Variants in LAMA3 observed in about 807,000 individuals in gnomAD.
LAMA3 encodes laminin subunit alpha 3, also known as laminin subunit alpha-3.
Under a neutral mutation model 402.0 loss-of-function variants are expected in LAMA3, and 281 were observed. The observed-to-expected ratio is 0.70, with a 90% CI of 0.63 to 0.77. The LOEUF (loss-of-function observed/expected upper bound fraction) is 0.77. LAMA3 is among the 30% of genes least tolerant of loss of function. The pLI is 0.00. For synonymous variants in LAMA3, 1,431 were observed against 1,558.4 expected (o/e 0.92, Z 1.93); for missense variants, 3,840 against 4,215.5 (o/e 0.91, Z 2.47).
chr18:23,838,099 T>A (rs190343657), intron 25 of LAMA3, among the ~76,000 whole-genome samples: 42 of 152,288 alleles, frequency 2.8e-4, no homozygotes, highest in Non-Finnish European at 4.7e-4. Context: ...ACATAAGCTC[T>A]ATGAAGGCAG....
chr18:23,898,677 C>T (rs2080960421), intron 44 of LAMA3, 61 bp from the exon 45 acceptor site: 1 of 904,716 alleles, frequency 1.1e-6, no homozygotes, highest in African/African-American at 1.6e-5. Context: ...CCCTGTTGAC[C>T]AGGTTGATAG....
intron 1 of LAMA3, among the ~76,000 whole-genome samples, chr18:23,692,299 C>G (rs1338130706): frequency 6.6e-6 from 1 of 152,206 alleles, no homozygotes; most frequent in Non-Finnish European, 1.5e-5. Context: ...GAGACGAAGT[C>G]TCTCTCGTCT....
intron 41 of LAMA3, among the ~76,000 whole-genome samples, chr18:23,887,260 T>C (rs1478919756): frequency 2.0e-5 from 3 of 152,148 alleles, no homozygotes; most frequent in Non-Finnish European, 2.9e-5. Flanking sequence ...CTGGGCTAAG[T>C]TGAGCTGCAA....
In LAMA3 at chr18:23,815,570, C is replaced by G. The variant is rs757443866; in HGVS notation, c.2044C>G (p.Gln682Glu). ...GGAAAAGAGCAATTACTTTGGGTGT[C>G]AAGGTAAATAAGTCCATTGGGCCCT... ...ALEKSNYFGC[Q>E]GCQCDIGGAL... Residue 682 changes from glutamine to glutamate, a missense_variant, in exon 17 of 75, where the codon CAA (glutamine) becomes GAA (glutamate). By Grantham distance (29) the Gln-to-Glu change is conservative. This residue lies in a region of LAMA3 where 2,109 missense variants were observed against 2,376.0 expected (regional missense o/e 0.89). Transcript: ENST00000313654. 15 of 1,609,364 alleles carry G rather than the reference C, an allele frequency of 9.3e-6. No individual in the cohort carries two copies. The highest frequency in any genetic ancestry group is 1.2e-5 in the Non-Finnish European group (14 of 1,175,864).
rs771665198 is a variant in LAMA3 at position 23,846,424 on chromosome 18, G to A, written c.3847G>A (p.Gly1283Arg). Residue 1283 changes from glycine to arginine, a missense_variant, in exon 31 of 75, where the codon GGG (glycine) becomes AGG (arginine). Coordinates refer to ENST00000313654, the MANE Select transcript of LAMA3 (RefSeq NM_198129.4). Reference sequence around the variant, plus strand: ...CGGCCCTCACTGCAGCCCTGAGGGTGGGCAGTGCCCATGCCAGCCCAACGT... The same window carrying A: ...CGGCCCTCACTGCAGCCCTGAGGGTAGGCAGTGCCCATGCCAGCCCAACGT... ...ATGPHCSPEG[G>R]QCPCQPNVIG... 4.3e-6 allele frequency: 7 copies of A among 1,613,974 alleles called. No homozygotes were observed. Among genetic ancestry groups the A allele is most frequent in the Non-Finnish European group, 5.9e-6 (7 of 1,180,028 alleles).
intron 13 of LAMA3, among the ~76,000 whole-genome samples, chr18:23,810,784 G>A (rs1228598558): frequency 6.6e-6 from 1 of 152,146 alleles, no homozygotes; most frequent in African/African-American, 2.4e-5. Flanking sequence ...TCACATGTCA[G>A]TTTTCTGTGG....
chr18:23,846,557 A>C lies in LAMA3; in HGVS notation c.3931+49A>C, dbSNP rs1010101914. On this transcript the variant is annotated intron_variant, in intron 31 of 74. Transcript: ENST00000313654. ...CAAGTTCTGCTCTGGTCCCGTGTGGATGATGCTTACCAGGAGCAGGCTTCT... is the reference window on the plus strand; with the variant it reads ...CAAGTTCTGCTCTGGTCCCGTGTGGCTGATGCTTACCAGGAGCAGGCTTCT... 2.6e-6 allele frequency: 4 copies of C among 1,524,948 alleles called. No homozygotes were observed. In the African/African-American group the frequency reaches 5.5e-5, roughly 21 times the overall value. The allele number at this position is 1,524,948 out of a possible 1,614,324, so 94.5% of individuals were successfully genotyped here.
At chr18:23,805,646 A>G (rs1354051330) in intron 12 of LAMA3, among the ~76,000 whole-genome samples, 1 of 151,362 alleles carries the variant, frequency 6.6e-6, no homozygotes, top group South Asian at 2.1e-4. Context: ...TGATCACCTG[A>G]CCCCCATAAA....
At chr18:23,932,357 G>T in intron 66 of LAMA3, 66 bp downstream of exon 66, 1 of 1,566,920 alleles carries the variant, frequency 6.4e-7, no homozygotes, top group Non-Finnish European at 8.8e-7. Context: ...GTATCTCTTT[G>T]GTCCAGTTAA....
intron 1 of LAMA3, among the ~76,000 whole-genome samples, chr18:23,698,202 CTT>C (rs755879182): frequency 1.5e-4 from 16 of 108,856 alleles, no homozygotes; most frequent in African/African-American, 5.8e-4. Context: ...TCTTCTTCTT[CTT>C]TTTTTTTTTT....
intron 12 of LAMA3, among the ~76,000 whole-genome samples, chr18:23,788,130 G>A (rs2062582088): frequency 6.6e-6 from 1 of 151,918 alleles, no homozygotes; most frequent in East Asian, 1.9e-4. Context: ...AGGATAAATA[G>A]AGTTTATAAA....
intron 2 of LAMA3, among the ~76,000 whole-genome samples, chr18:23,734,120 ACTT>A (rs2061435871): frequency 6.6e-6 from 1 of 152,234 alleles, no homozygotes; most frequent in South Asian, 2.1e-4. Flanking sequence ...TGCCGTCTCA[ACTT>A]CTACCACCAC....
chr18:23,904,129 A>G (rs1434838062), intron 50 of LAMA3, 42 bp downstream of exon 50: 1 of 1,609,264 alleles, frequency 6.2e-7, no homozygotes, highest in Non-Finnish European at 8.5e-7. Flanking sequence ...ACGTGGGCTG[A>G]GCTCAGCAGC....
chr18:23,951,744 T>A lies in LAMA3; in HGVS notation c.9703T>A (p.Ser3235Thr), dbSNP rs770399224. The A allele has an allele frequency of 2.9e-5, 47 of 1,613,686 alleles. No homozygotes were observed. Among genetic ancestry groups the A allele is most frequent in the Admixed American group, 1.5e-4 (9 of 59,982 alleles). ...CTCAACGTCGGTCACACCAAAGCAG[T>A]CTCTGTGTGATGGACAGTGGCACTC... The part of the protein sequence containing the change: ...GTSTSVTPKQ[S>T]LCDGQWHSVA... Residue 3235 changes from serine (S) to threonine (T), a missense_variant, in exon 73 of 75, where the codon TCT becomes ACT. Around this residue, in one of 3 missense-constraint regions of LAMA3, gnomAD observed 840 missense variants for 981.9 expected, o/e 0.86. Coordinates refer to ENST00000313654, the MANE Select transcript of LAMA3 (RefSeq NM_198129.4).
At chr18:23,819,408 G>T (rs952926878) in intron 18 of LAMA3, among the ~76,000 whole-genome samples, 2 of 152,114 alleles carry the variant, frequency 1.3e-5, no homozygotes, top group Admixed American at 1.3e-4. Flanking sequence ...TTTATGTCAT[G>T]TTCATCATTA....
At chr18:23,836,922 T>C in intron 24 of LAMA3, 59 bp from the exon 25 acceptor site, 10 of 1,204,192 alleles carry the variant, frequency 8.3e-6, no homozygotes, top group African/African-American at 1.5e-5. Context: ...CCCAGAAGGA[T>C]GTGCAGAATG....
intron 4 of LAMA3, among the ~76,000 whole-genome samples, chr18:23,750,611 A>G (rs2143567105): frequency 6.6e-6 from 1 of 152,056 alleles, no homozygotes; most frequent in South Asian, 2.1e-4. Context: ...TATGTTTTCA[A>G]CATTTCATAG....
chr18:23,793,301 T>A (rs2062697047), intron 12 of LAMA3, among the ~76,000 whole-genome samples: 1 of 151,806 alleles, frequency 6.6e-6, no homozygotes, highest in Non-Finnish European at 1.5e-5. Context: ...TCTGGAGGGT[T>A]GTTTACTATC....
chr18:23,858,662 C>T (rs1474736926), intron 33 of LAMA3, 27 bp from the exon 34 acceptor site: 1 of 1,613,846 alleles, frequency 6.2e-7, no homozygotes, highest in South Asian at 1.1e-5. Context: ...AACACGTGAT[C>T]TCTTATTTCA....
Sources: gnomAD v4.1 joint callset for allele counts (sites outside exome capture counted in the v4.1 genomes callset) on GRCh38, gnomAD v4.1.1 for gene constraint, gnomAD v4.1.1 regional missense constraint, MANE v1.5 for transcripts, NCBI Gene and HGNC (gene_info 2026-07-23, HGNC 2026-07-21) for gene names.